CYRIA: variants seen among roughly 807,000 people sequenced by gnomAD.
CYRIA encodes CYFIP related Rac1 interactor A, also known as CYFIP-related Rac1 interactor A.
A neutral mutation model predicts 43.9 loss-of-function variants in CYRIA; 15 were observed. The ratio of observed to expected loss-of-function variants is 0.34; its 90% CI spans 0.23 to 0.53. CYRIA has a LOEUF of 0.53. CYRIA is among the 20% of genes least tolerant of loss of function. The probability of loss-of-function intolerance (pLI) is 0.94; values close to 1 mark genes in which losing one functional copy is unlikely to be tolerated. For missense variants in CYRIA, 236 were observed against 394.2 expected (o/e 0.60, Z 3.40); for synonymous variants, 117 against 136.0 (o/e 0.86, Z 0.97).
chr2:16,558,932 A>AC lies in CYRIA; in HGVS notation c.837+527dup, dbSNP rs549535862. ...TTTGAAACATGTCTGAAAGGAACCC[A>AC]CCCATCAGAGAGGAAGAGGAAGGGC... On this transcript the variant is annotated intron_variant, in intron 10 of 11. Transcript: ENST00000381323. 2.1e-3 allele frequency among the ~76,000 whole-genome samples: 313 copies of AC among 152,214 alleles called. 2 individuals carry two copies. The highest frequency in any genetic ancestry group is 7.3e-3 in the African/African-American group (303 of 41,550).
At chr2:16,638,604 T>C (rs572143362) in intron 1 of CYRIA, among the ~76,000 whole-genome samples, 8 of 152,124 alleles carry the variant, frequency 5.3e-5, no homozygotes, top group Non-Finnish European at 1.2e-4. Flanking sequence ...AAGAAATTGA[T>C]GGGTTGGACT....
chr2:16,639,236 G>A (rs1669602092), intron 1 of CYRIA, among the ~76,000 whole-genome samples: 1 of 152,214 alleles, frequency 6.6e-6, no homozygotes, highest in Admixed American at 6.5e-5. Flanking sequence ...CGGTAAGGAA[G>A]CAAAATACCA....
chr2:16,587,982 T>A, intron 3 of CYRIA, 68 bp downstream of exon 3: 1 of 993,318 alleles, frequency 1.0e-6, no homozygotes, highest in South Asian at 1.5e-5. Flanking sequence ...ATTTATGTTA[T>A]AACTTCCTTA....
intron 5 of CYRIA, among the ~76,000 whole-genome samples, 184 bp downstream of exon 5, chr2:16,563,805 A>C (rs529103284): frequency 6.2e-4 from 94 of 152,332 alleles, no homozygotes; most frequent in Admixed American, 1.4e-3. Flanking sequence ...CTTCAGGGGA[A>C]GAACTTTGTG....
chr2:16,625,550 T>A (rs553936185), intron 1 of CYRIA, among the ~76,000 whole-genome samples: 217 of 152,278 alleles, frequency 1.4e-3, no homozygotes, highest in African/African-American at 5.0e-3. Flanking sequence ...CGGATTGTGA[T>A]GGTAACAGGG....
chr2:16,604,409 C>A (rs112689845), intron 2 of CYRIA, among the ~76,000 whole-genome samples: 1 of 152,210 alleles, frequency 6.6e-6, no homozygotes, highest in Admixed American at 6.5e-5. Flanking sequence ...CTCCTCCCAG[C>A]CATCGTCTGG....
At position 16,575,910 on chromosome 2, in the gene CYRIA, G is replaced by T. The variant is rs926003302; in HGVS notation, c.71-10143C>A. 7.4e-4 allele frequency among the ~76,000 whole-genome samples: 96 copies of T among 130,342 alleles called. 1 individual carries two copies. The highest frequency in any genetic ancestry group is 1.4e-3 in the Non-Finnish European group (80 of 58,524). The allele number at this position is 130,342 out of a possible 152,430, so 85.5% of individuals were successfully genotyped here. A position where few individuals can be genotyped will look rare whatever the true frequency, so the allele number is the denominator to read the frequency against. ...ATAAATAAATAAATAAATAAATAAA[G>T]AGCAGTTCCCCTGCACAAGCTCTCT... On this transcript the variant is annotated intron_variant, in intron 3 of 11. Coordinates refer to ENST00000381323, the MANE Select transcript of CYRIA (RefSeq NM_030797.4).
intron 10 of CYRIA, among the ~76,000 whole-genome samples, chr2:16,556,628 G>A (rs1180419029): frequency 1.3e-5 from 2 of 152,230 alleles, no homozygotes; most frequent in African/African-American, 4.8e-5. Flanking sequence ...CAGGAGCTGG[G>A]GGCTTTACCT....
At chr2:16,637,702 T>G (rs1035266972) in intron 1 of CYRIA, among the ~76,000 whole-genome samples, 3 of 152,138 alleles carry the variant, frequency 2.0e-5, no homozygotes, top group South Asian at 2.1e-4. Flanking sequence ...AAACTTGAAT[T>G]TTTTTATGCT....
At chr2:16,622,110 G>C (rs774894316) in intron 2 of CYRIA, among the ~76,000 whole-genome samples, 2 of 152,190 alleles carry the variant, frequency 1.3e-5, no homozygotes, top group Non-Finnish European at 2.9e-5. Context: ...GACCCTGACT[G>C]TCTTGCTGAG....
chr2:16,652,655 A>G (rs1048853924), intron 1 of CYRIA, among the ~76,000 whole-genome samples: 3 of 152,164 alleles, frequency 2.0e-5, no homozygotes, highest in Non-Finnish European at 4.4e-5. Flanking sequence ...TGGAGAGTGG[A>G]AAGTCTTGGC....
At chr2:16,616,467 C>T (rs1668797023) in intron 2 of CYRIA, among the ~76,000 whole-genome samples, 1 of 152,308 alleles carries the variant, frequency 6.6e-6, no homozygotes, top group East Asian at 1.9e-4. Context: ...AGGCCTCTCA[C>T]TCCCTCTGAG....
intron 2 of CYRIA, 46 bp from the exon 3 acceptor site, chr2:16,588,175 A>T: frequency 7.6e-7 from 1 of 1,322,778 alleles, no homozygotes; most frequent in Non-Finnish European, 1.1e-6. Context: ...AACATAAAAA[A>T]AATAGACTTG....
intron 9 of CYRIA, 95 bp downstream of exon 9, chr2:16,560,895 G>A: frequency 1.8e-6 from 2 of 1,110,920 alleles, no homozygotes; most frequent in Non-Finnish European, 2.8e-6. Context: ...ACTTTAGGGT[G>A]TTGACCCAAA....
chr2:16,557,639 C>T (rs532643236), intron 10 of CYRIA, among the ~76,000 whole-genome samples: 55 of 152,278 alleles, frequency 3.6e-4, no homozygotes, highest in Admixed American at 9.8e-4. Context: ...ACAAACCTTA[C>T]GTAGTGCTTT....
intron 3 of CYRIA, among the ~76,000 whole-genome samples, chr2:16,569,575 A>G (rs1012064518): frequency 6.6e-6 from 1 of 152,166 alleles, no homozygotes; most frequent in Non-Finnish European, 1.5e-5. Context: ...CCAGAGTGCC[A>G]TAAGATTCTC....
intron 2 of CYRIA, among the ~76,000 whole-genome samples, chr2:16,618,052 A>G (rs565326130): frequency 2.6e-5 from 4 of 152,326 alleles, no homozygotes; most frequent in African/African-American, 9.6e-5. Context: ...ACAGAGGGGC[A>G]GCACTGTGGG....
At chr2:16,566,152 T>C (rs1666926108) in intron 3 of CYRIA, among the ~76,000 whole-genome samples, 1 of 152,226 alleles carries the variant, frequency 6.6e-6, no homozygotes, top group Non-Finnish European at 1.5e-5. Context: ...TTTCAATTAC[T>C]ATTTTTATTG....
intron 3 of CYRIA, among the ~76,000 whole-genome samples, chr2:16,585,640 T>G (rs1667702067): frequency 6.6e-6 from 1 of 152,004 alleles, no homozygotes; most frequent in Non-Finnish European, 1.5e-5. Context: ...ACAAATGGAG[T>G]TTTAGTACTA....
Sources: gnomAD v4.1 joint callset for allele counts (sites outside exome capture counted in the v4.1 genomes callset) on GRCh38, gnomAD v4.1.1 for gene constraint, MANE v1.5 for transcripts, NCBI Gene and HGNC (gene_info 2026-07-23, HGNC 2026-07-21) for gene names.